Variants in SNORC observed in about 807,000 individuals in gnomAD.
SNORC encodes secondary ossification center associated regulator of chondrocyte maturation, also known as protein SNORC.
A neutral mutation model predicts 9.7 loss-of-function variants in SNORC; 11 were observed. The ratio of observed to expected loss-of-function variants is 1.14; its 90% confidence interval spans 0.72 to 1.88. The LOEUF is 1.88. Ranked by LOEUF, SNORC falls within the 40% of genes most tolerant of loss-of-function variation. SNORC has a pLI of 0.00. For synonymous variants in SNORC, 108 were observed against 88.7 expected (o/e 1.22, Z -1.22); for missense variants, 197 against 173.1 (o/e 1.14, Z -0.77).
intron 1 of SNORC, among the ~76,000 whole-genome samples, chr2:232,874,976 C>G (rs1691164411): frequency 6.6e-6 from 1 of 152,242 alleles, no homozygotes; most frequent in Admixed American, 6.5e-5. Context: ...GTTGGGACAT[C>G]CCCAAGCTCA....
upstream of SNORC, chr2:232,868,868 T>C (rs1690926070): frequency 1.3e-5 from 2 of 152,232 alleles, no homozygotes; most frequent in African/African-American, 4.8e-5. Flanking sequence ...CATACTCACA[T>C]CTTGCCTATT....
At chr2:232,866,595 G>A (rs935854781), upstream of SNORC, among the ~76,000 whole-genome samples, 2 of 152,094 alleles carry the variant, frequency 1.3e-5, no homozygotes, top group African/African-American at 4.8e-5. Flanking sequence ...TAAATTAGAG[G>A]AAATTCTATG....
At chr2:232,873,241 G>A (rs1301639953) in intron 1 of SNORC, among the ~76,000 whole-genome samples, 1 of 152,224 alleles carries the variant, frequency 6.6e-6, no homozygotes, top group Non-Finnish European at 1.5e-5. Context: ...AGCAAGGATA[G>A]GCCCCAGCCC....
In SNORC at chr2:232,876,059, G is replaced by GCC. The variant is rs1352676247; in HGVS notation, c.197_198dup (p.Thr67ProfsTer32). 6.5e-7 allele frequency: 1 copy of GCC among 1,536,872 alleles called. No homozygotes were observed. The highest frequency in any genetic ancestry group is 1.4e-5 in the African/African-American group (1 of 72,500). ...GGAGCCCGTGGACACCGGTCCCCCA[G>GCC]CCCCCACCGTCGCGCCAGGACCCGA... is the stretch of plus-strand genomic sequence containing the variant. On this transcript the variant is annotated frameshift_variant, in exon 2 of 3. Coordinates refer to ENST00000331342, the Ensembl canonical transcript of SNORC. LOFTEE classifies it high-confidence loss of function. The surrounding 1 kb of genome is among the most constrained non-coding windows in gnomAD (Gnocchi z 6.8).
At chr2:232,867,407 T>G (rs888964203), upstream of SNORC, among the ~76,000 whole-genome samples, 16 of 152,326 alleles carry the variant, frequency 1.1e-4, no homozygotes, top group African/African-American at 3.8e-4. Flanking sequence ...GTTCTATACT[T>G]GCTTAAAGAC....
At chr2:232,876,766 C>A (rs1332268393), downstream of SNORC, 3 of 985,304 alleles carry the variant, frequency 3.0e-6, no homozygotes, top group Middle Eastern at 5.2e-4. This position sits in a 1 kb window ranked among gnomAD's most constrained non-coding sequence, Gnocchi z 6.8. Flanking sequence ...GCGGTCTTAG[C>A]CCGTCCGGGG....
In SNORC at chr2:232,876,391, A is replaced by T; in HGVS notation, c.*35A>T. 6.6e-7 allele frequency: 1 copy of T among 1,506,280 alleles called. No individual in the cohort carries two copies. Among genetic ancestry groups the T allele is most frequent in the Admixed American group, 2.2e-5 (1 of 46,008 alleles). 93.3% of individuals were successfully genotyped at this position (1,506,280 alleles called of 1,614,324 possible). A position where few individuals can be genotyped will look rare whatever the true frequency, so the allele number is the denominator to read the frequency against. On this transcript the variant is annotated 3_prime_UTR_variant, in exon 3 of 3. Transcript: ENST00000331342. This position sits in a 1 kb window ranked among gnomAD's most constrained non-coding sequence, Gnocchi z 6.8. ...AGGGGCCGCGCCCGGCCGCGGCGCG[A>T]CTCGGCTGCACTCCTCACGCGCCTG... is the stretch of plus-strand genomic sequence containing the variant.
At chr2:232,874,289 C>T (rs559859092) in intron 1 of SNORC, among the ~76,000 whole-genome samples, 367 of 152,290 alleles carry the variant, frequency 2.4e-3, no homozygotes, top group African/African-American at 8.5e-3. Context: ...GTTCCTTTGC[C>T]CCTAAATTCT....
At chr2:232,878,265 A>C (rs1275520694), downstream of SNORC, 1 of 152,698 alleles carries the variant, frequency 6.5e-6, no homozygotes, top group African/African-American at 2.4e-5. Context: ...ACTGAGGTGG[A>C]GCTGGGGCGA....
At chr2:232,874,358 G>A (rs962434925) in intron 1 of SNORC, among the ~76,000 whole-genome samples, 8 of 152,310 alleles carry the variant, frequency 5.3e-5, no homozygotes, top group African/African-American at 1.9e-4. Flanking sequence ...ACCAGGAAGT[G>A]AGCACTGAGG....
chr2:232,876,958 C>A (rs1237979320), downstream of SNORC: 3 of 985,392 alleles, frequency 3.0e-6, no homozygotes, highest in African/African-American at 5.2e-5. The surrounding 1 kb of genome is among the most constrained non-coding windows in gnomAD (Gnocchi z 6.8). Flanking sequence ...GACAGAGACC[C>A]CGGGGCCCGC....
chr2:232,877,384 A>T, downstream of SNORC: 1 of 984,650 alleles, frequency 1.0e-6, no homozygotes. Flanking sequence ...TGATCATTTA[A>T]CCTGCTCAGC....
At chr2:232,867,592 T>C (rs1690903174), upstream of SNORC, among the ~76,000 whole-genome samples, 1 of 152,246 alleles carries the variant, frequency 6.6e-6, no homozygotes, top group South Asian at 2.1e-4. Flanking sequence ...ATTTGAGTTT[T>C]ATAAGTAAAG....
rs1236723126 is a variant in SNORC at position 232,874,256 on chromosome 2, T to C, written c.74-1684T>C. On this transcript the variant is annotated intron_variant, in intron 1 of 2. Coordinates refer to ENST00000331342, the Ensembl canonical transcript of SNORC. ...CCTCTATCTGAATGCTGAAATCATTTGAGAGTAAGTTGCAGAAGTCATGTT... is the reference window on the plus strand; with the variant it reads ...CCTCTATCTGAATGCTGAAATCATTCGAGAGTAAGTTGCAGAAGTCATGTT... 2.6e-5 allele frequency among the ~76,000 whole-genome samples: 4 copies of C among 152,228 alleles called. No homozygotes were observed. In the East Asian group the frequency reaches 7.7e-4, roughly 29 times the overall value.
In SNORC at chr2:232,876,126, C is replaced by G; in HGVS notation, c.256+4C>G. 9.9e-7 allele frequency: 1 copy of G among 1,010,632 alleles called. No individual in the cohort carries two copies. The highest frequency in any genetic ancestry group is 1.2e-6 in the Non-Finnish European group (1 of 835,710). 62.6% of individuals were successfully genotyped at this position (1,010,632 alleles called of 1,614,324 possible). A position where few individuals can be genotyped will look rare whatever the true frequency, so the allele number is the denominator to read the frequency against. ...GAGCGGCTGGACCAGGGCGGCGGTACGGGCGGGGCGGGGGAGGGAGGGGAG... is the reference window on the plus strand; with the variant it reads ...GAGCGGCTGGACCAGGGCGGCGGTAGGGGCGGGGCGGGGGAGGGAGGGGAG... On this transcript the variant is annotated splice_donor_region_variant and intron_variant, in intron 2 of 2. Coordinates refer to ENST00000331342, the Ensembl canonical transcript of SNORC. This position sits in a 1 kb window ranked among gnomAD's most constrained non-coding sequence, Gnocchi z 6.8.
At position 232,870,480 on chromosome 2, in the gene SNORC, C is replaced by G. The variant is rs868376319; in HGVS notation, c.73+66C>G. 1.4e-4 allele frequency: 204 copies of G among 1,438,136 alleles called. 2 individuals carry two copies. The South Asian group carries it at 2.4e-3, about 17-fold the overall frequency. 89.1% of individuals were successfully genotyped at this position (1,438,136 alleles called of 1,614,324 possible). A position where few individuals can be genotyped will look rare whatever the true frequency, so the allele number is the denominator to read the frequency against. The stretch of plus-strand genomic sequence containing the variant: ...CCAGGGCCGATAACTACCTTGGGGC[C>G]AGATTCTTCAACGTTCACTGGGGAG... On this transcript the variant is annotated intron_variant, in intron 1 of 2. Coordinates refer to ENST00000331342, the Ensembl canonical transcript of SNORC.
chr2:232,869,305 G>A (rs577864496), upstream of SNORC, among the ~76,000 whole-genome samples: 21 of 152,110 alleles, frequency 1.4e-4, no homozygotes, highest in Admixed American at 1.3e-3. Flanking sequence ...GCCTAGTCAC[G>A]GCCAGTGGAC....
downstream of SNORC, chr2:232,876,613 T>G (rs1691261340): frequency 3.7e-6 from 4 of 1,075,312 alleles, no homozygotes; most frequent in East Asian, 2.5e-4. The surrounding 1 kb of genome is among the most constrained non-coding windows in gnomAD (Gnocchi z 6.8). Flanking sequence ...CGCCTGCGTG[T>G]GGCGTGCACC....
chr2:232,868,357 A>T (rs1212214465), upstream of SNORC, among the ~76,000 whole-genome samples: 1 of 152,114 alleles, frequency 6.6e-6, no homozygotes, highest in Non-Finnish European at 1.5e-5. Flanking sequence ...CCAGCCTCCC[A>T]AAGTGCTGGG....
Sources: gnomAD v4.1 joint callset for allele counts (sites outside exome capture counted in the v4.1 genomes callset) on GRCh38, gnomAD v4.1.1 for gene constraint, Gnocchi (gnomAD v3.1) non-coding constraint, MANE v1.5 for transcripts, NCBI Gene and HGNC (gene_info 2026-07-23, HGNC 2026-07-21) for gene names.